TNPO2: variants seen among roughly 807,000 people sequenced by gnomAD.
The protein encoded by TNPO2 is transportin 2, also known as transportin-2.
In TNPO2, 16 loss-of-function variants were observed where a neutral mutation model predicts 111.1. That is an observed-to-expected ratio of 0.14 (90% CI 0.10 to 0.22). The LOEUF is 0.22. Ranked by LOEUF, TNPO2 falls within the 10% of genes least tolerant of loss-of-function variation. The pLI is 1.00. For missense variants in TNPO2, 530 were observed against 1,173.7 expected, an observed-to-expected ratio of 0.45 and a Z score of 8.01; for synonymous variants, 481 against 475.8, an observed-to-expected ratio of 1.01 and a Z score of -0.14.
intron 10 of TNPO2, among the ~76,000 whole-genome samples, chr19:12,712,341 T>A (rs2026108845): frequency 6.6e-6 from 1 of 152,254 alleles, no homozygotes; most frequent in East Asian, 1.9e-4. Flanking sequence ...TGGGGGAGTC[T>A]CCCTTTCCCC....
At position 12,701,757 on chromosome 19, in the gene TNPO2, C is replaced by T; in HGVS notation, c.2506G>A (p.Val836Met). The change falls in exon 23 of 26, where the codon GTG (valine) becomes ATG (methionine). Residue 836 changes from valine to methionine, a missense_variant. Val to Met is a conservative substitution (Grantham distance 21). Around this residue, in one of 4 missense-constraint regions of TNPO2, gnomAD observed 103 missense variants for 156.7 expected, o/e 0.66. Coordinates refer to ENST00000425528, the MANE Select transcript of TNPO2 (RefSeq NM_001382241.1). This position sits in a 1 kb window ranked among gnomAD's most constrained non-coding sequence, Gnocchi z 5.0. ...MMIGVNPGGV[V>M]QDFIFFCDAV... is the part of the protein sequence containing the mutation. ...CAGAGCCCAGCTGCCCCAACCTGCA[C>T]AACGCCCCCCGGGTTGACACCGATC... 1 of 1,613,822 alleles carries T rather than the reference C, an allele frequency of 6.2e-7. No homozygotes were observed.
rs1212472438 is a variant in TNPO2, at chr19:12,721,887, AC to A, written c.-13-898del. ...AGCCCCCCACCACCTCGTGTCAGTA[AC>A]CCCCTGGTCCGATCCTTGCAGCCTC... On this transcript the variant is annotated intron_variant, in intron 2 of 25. Transcript: ENST00000425528. This position sits in a 1 kb window ranked among gnomAD's most constrained non-coding sequence, Gnocchi z 4.9. Among the ~76,000 whole-genome samples the A allele has an allele frequency of 7.0e-6, 1 of 142,996 alleles. No homozygotes were observed. The highest frequency in any genetic ancestry group is 1.5e-5 in the Non-Finnish European group (1 of 65,340). The allele number at this position is 142,996 out of a possible 152,430, so 93.8% of individuals were successfully genotyped here. A position where few individuals can be genotyped will look rare whatever the true frequency, so the allele number is the denominator to read the frequency against.
chr19:12,714,722 T>C, intron 10 of TNPO2, 99 bp downstream of exon 10: 1 of 923,752 alleles, frequency 1.1e-6, no homozygotes, highest in Non-Finnish European at 1.8e-6. Flanking sequence ...CTGACAAGGA[T>C]GTGGACTGAG....
chr19:12,718,086 C>T (rs571192943), intron 5 of TNPO2, among the ~76,000 whole-genome samples: 1 of 152,126 alleles, frequency 6.6e-6, no homozygotes, highest in South Asian at 2.1e-4. Context: ...CTCACTGCAA[C>T]CTCTGCCTCC....
In TNPO2 at chr19:12,714,809, A is replaced by G. The variant is rs763015179; in HGVS notation, c.890+12T>C. 9 of 1,608,670 alleles carry G rather than the reference A, an allele frequency of 5.6e-6. No individual in the cohort carries two copies. Among genetic ancestry groups the G allele is most frequent in the Admixed American group, 1.7e-5 (1 of 59,948 alleles). On this transcript the variant is annotated intron_variant, in intron 10 of 25. Coordinates refer to ENST00000425528, the MANE Select transcript of TNPO2 (RefSeq NM_001382241.1). ...AAGCTGGGGTAGGACAGTGGGCAGC[A>G]GCAGCACTCACTGGACCAGATGGGA...
At chr19:12,709,909 G>A (rs1446408423) in intron 13 of TNPO2, among the ~76,000 whole-genome samples, 1 of 152,126 alleles carries the variant, frequency 6.6e-6, no homozygotes, top group East Asian at 1.9e-4. Flanking sequence ...GTGCACCACA[G>A]TAACTAGACA....
intron 13 of TNPO2, among the ~76,000 whole-genome samples, chr19:12,707,982 G>A (rs1442653321): frequency 6.6e-6 from 1 of 151,976 alleles, no homozygotes; most frequent in Non-Finnish European, 1.5e-5. Context: ...CACCACGTGT[G>A]GCTAATTTTT....
intron 13 of TNPO2, among the ~76,000 whole-genome samples, chr19:12,707,767 T>A (rs1294279509): frequency 1.3e-5 from 2 of 151,814 alleles, no homozygotes; most frequent in Admixed American, 6.6e-5. Context: ...ATTATAGGTG[T>A]CTGGCCGTTT....
chr19:12,706,918 GC>G lies in TNPO2; in HGVS notation c.1271-124del. ...CTGAGGCTTAGAGTTTAAATCACTG[GC>G]CCAGACTCATTTCACAGAGCCAGGT... On this transcript the variant is annotated intron_variant, in intron 13 of 25. Transcript: ENST00000425528. This position sits in a 1 kb window ranked among gnomAD's most constrained non-coding sequence, Gnocchi z 7.0. 1.2e-6 allele frequency: 1 copy of G among 810,684 alleles called. No individual in the cohort carries two copies. Among genetic ancestry groups the G allele is most frequent in the Non-Finnish European group, 2.0e-6 (1 of 510,636 alleles). 50.2% of individuals were successfully genotyped at this position (810,684 alleles called of 1,614,324 possible). A position where few individuals can be genotyped will look rare whatever the true frequency, so the allele number is the denominator to read the frequency against.
chr19:12,713,933 G>C (rs139458705), intron 10 of TNPO2, among the ~76,000 whole-genome samples: 2,576 of 152,174 alleles, frequency 0.017, 36 homozygotes, highest in Middle Eastern at 0.051. Flanking sequence ...GGGAGGCTGA[G>C]GTAGGAGGAT....
chr19:12,713,186 T>A (rs934874497), intron 10 of TNPO2, among the ~76,000 whole-genome samples: 1 of 152,116 alleles, frequency 6.6e-6, no homozygotes, highest in Non-Finnish European at 1.5e-5. Context: ...CTGGCCACTT[T>A]CCTGAGATAG....
In TNPO2 at chr19:12,706,492, AAC is replaced by A; in HGVS notation, c.1496+76_1496+77del. On this transcript the variant is annotated intron_variant, in intron 14 of 25. Coordinates refer to ENST00000425528, the MANE Select transcript of TNPO2 (RefSeq NM_001382241.1). The surrounding 1 kb of genome is among the most constrained non-coding windows in gnomAD (Gnocchi z 7.0). The stretch of plus-strand genomic sequence containing the variant: ...ATACGCGATAAATCAGTTCCACATC[AAC>A]AGTCACAGGTGTCATCACTTCCCAG... 6.3e-7 allele frequency: 1 copy of A among 1,577,760 alleles called. No individual in the cohort carries two copies. Among genetic ancestry groups the A allele is most frequent in the Non-Finnish European group, 8.7e-7 (1 of 1,147,962 alleles).
Position 12,705,569 on chromosome 19 carries a change from T to G in TNPO2, c.1786A>C (p.Ser596Arg). ...CLSSVATALQ[S>R]GFLPYCEPVY... ...GGCTCACAGTAAGGCAGGAAGCCAC[T>G]CTGCAGGGCGGTGGCCACCGATGAC... Residue 596 changes from serine (S) to arginine (R), a missense_variant, in exon 17 of 26, where the codon AGT becomes CGT. Around this residue, in one of 4 missense-constraint regions of TNPO2, gnomAD observed 183 missense variants for 481.0 expected, o/e 0.38. Coordinates refer to ENST00000425528, the MANE Select transcript of TNPO2 (RefSeq NM_001382241.1). This position sits in a 1 kb window ranked among gnomAD's most constrained non-coding sequence, Gnocchi z 7.2. 1 of 1,605,334 alleles carries G rather than the reference T, an allele frequency of 6.2e-7. No homozygotes were observed. The highest frequency in any genetic ancestry group is 8.5e-7 in the Non-Finnish European group (1 of 1,176,554).
intron 10 of TNPO2, 141 bp from the exon 11 acceptor site, chr19:12,711,754 G>C (rs1055960705): frequency 4.6e-5 from 31 of 674,646 alleles, no homozygotes; most frequent in Non-Finnish European, 8.1e-5. Flanking sequence ...TGCAGAGCAT[G>C]ATGGTACTGC....
rs780158001 is a variant in TNPO2, at chr19:12,701,692, A to G, written c.2512-20T>C. On this transcript the variant is annotated intron_variant, in intron 23 of 25. Transcript: ENST00000425528. The surrounding 1 kb of genome is among the most constrained non-coding windows in gnomAD (Gnocchi z 5.0). ...AAAGTCCTGAAACGTGACGGATCCCAGGTGAGGGGCCGCCCGAGCCCAGCG... is the reference window on the plus strand; with the variant it reads ...AAAGTCCTGAAACGTGACGGATCCCGGGTGAGGGGCCGCCCGAGCCCAGCG... 1.2e-5 allele frequency: 19 copies of G among 1,613,586 alleles called. No individual in the cohort carries two copies. The highest frequency in any genetic ancestry group is 1.6e-5 in the Non-Finnish European group (19 of 1,179,814).
At chr19:12,720,625 C>A (rs1372987788) in intron 3 of TNPO2, among the ~76,000 whole-genome samples, 1 of 152,194 alleles carries the variant, frequency 6.6e-6, no homozygotes, top group East Asian at 1.9e-4. Context: ...TGGGCCAGGG[C>A]CTACTTTAAT....
In TNPO2 at chr19:12,711,871, T is replaced by G. The variant is rs1250589443; in HGVS notation, c.891-258A>C. Among the ~76,000 whole-genome samples, 3 of 151,882 alleles carry G rather than the reference T, an allele frequency of 2.0e-5. No individual in the cohort carries two copies. In the East Asian group the frequency reaches 5.8e-4, roughly 29 times the overall value. The stretch of plus-strand genomic sequence containing the variant: ...ACTCCTGCCTCCAGAGAAAGGTTTT[T>G]TTTTTTTTTTCTTAAGAAGCAGGGT... On this transcript the variant is annotated intron_variant, in intron 10 of 25. Coordinates refer to ENST00000425528, the MANE Select transcript of TNPO2 (RefSeq NM_001382241.1).
Position 12,721,258 on chromosome 19 carries a change from C to G in TNPO2, c.-13-268G>C. The G allele has an allele frequency of 1.5e-6, 2 of 1,301,474 alleles. No individual in the cohort carries two copies. Among genetic ancestry groups the G allele is most frequent in the Non-Finnish European group, 2.0e-6 (2 of 1,020,620 alleles). 80.6% of individuals were successfully genotyped at this position (1,301,474 alleles called of 1,614,324 possible). A position where few individuals can be genotyped will look rare whatever the true frequency, so the allele number is the denominator to read the frequency against. ...CGGGGCCCGGCGGATCCTCATGGGA[C>G]CCAGCGAAGAGCCCTCGTCCCAGGG... is the stretch of plus-strand genomic sequence containing the variant. On this transcript the variant is annotated intron_variant, in intron 2 of 25. Transcript: ENST00000425528. The surrounding 1 kb of genome is among the most constrained non-coding windows in gnomAD (Gnocchi z 4.9).
intron 13 of TNPO2, among the ~76,000 whole-genome samples, chr19:12,708,797 G>C (rs2025859664): frequency 6.6e-6 from 1 of 152,030 alleles, no homozygotes; most frequent in South Asian, 2.1e-4. Context: ...CTGGAACTCG[G>C]GAGGCAGAGG....
Sources: gnomAD v4.1 joint callset for allele counts (sites outside exome capture counted in the v4.1 genomes callset) on GRCh38, gnomAD v4.1.1 for gene constraint, gnomAD v4.1.1 regional missense constraint, Gnocchi (gnomAD v3.1) non-coding constraint, MANE v1.5 for transcripts, NCBI Gene and HGNC (gene_info 2026-07-23, HGNC 2026-07-21) for gene names.